Variants in GSR observed in about 807,000 individuals in gnomAD.
The protein encoded by GSR is glutathione-disulfide reductase, also known as glutathione reductase, mitochondrial.
A neutral mutation model predicts 56.5 loss-of-function variants in GSR; 48 were observed. The ratio of observed to expected loss-of-function variants is 0.85; its 90% CI spans 0.67 to 1.08. The LOEUF (loss-of-function observed/expected upper bound fraction) is 1.08. Ranked by LOEUF, GSR falls within the 50% of genes least tolerant of loss-of-function variation. The probability of loss-of-function intolerance (pLI) is 0.00; values close to 1 mark genes in which losing one functional copy is unlikely to be tolerated. For missense variants in GSR, 694 were observed against 703.3 expected, an observed-to-expected ratio of 0.99 and a Z score of 0.15; for synonymous variants, 264 against 270.8, an observed-to-expected ratio of 0.97 and a Z score of 0.25.
rs201877508 is a variant in GSR, at chr8:30,703,055, C to T, written c.640+38G>A. On this transcript the variant is annotated intron_variant, in intron 5 of 12. Coordinates refer to ENST00000221130, the MANE Select transcript of GSR (RefSeq NM_000637.5). ...TTCAGGTTGAAAGCAACAGTAAACT[C>T]CTGACTGCTGTTAATGAGTACCTGT... 1.9e-6 allele frequency: 3 copies of T among 1,606,234 alleles called. No individual in the cohort carries two copies. The East Asian group carries it at 6.7e-5, about 36-fold the overall frequency.
chr8:30,716,953 G>A (rs528045956), intron 1 of GSR, among the ~76,000 whole-genome samples: 2 of 151,584 alleles, frequency 1.3e-5, no homozygotes, highest in African/African-American at 4.8e-5. Context: ...AATTAGAGAC[G>A]GAGGCTGGGC....
chr8:30,704,956 T>C (rs1248417594), intron 4 of GSR: 1 of 152,164 alleles, frequency 6.6e-6, no homozygotes, highest in Non-Finnish European at 1.5e-5. Context: ...GTTTCCAGGA[T>C]ATTAGATAGA....
At chr8:30,710,849 T>C (rs1454985816) in intron 2 of GSR, among the ~76,000 whole-genome samples, 2 of 149,262 alleles carry the variant, frequency 1.3e-5, no homozygotes, top group Non-Finnish European at 3.0e-5. Flanking sequence ...CATTACAAAA[T>C]CAGTTTACTG....
chr8:30,725,557 A>G (rs959932286), intron 1 of GSR, among the ~76,000 whole-genome samples: 1 of 139,376 alleles, frequency 7.2e-6, no homozygotes, highest in African/African-American at 2.7e-5. Flanking sequence ...AAGACTCCAT[A>G]TCGAAAAAAA....
Position 30,706,653 on chromosome 8 carries a change from T to C in GSR, c.492+1419A>G, listed in dbSNP as rs575348539. On this transcript the variant is annotated intron_variant, in intron 4 of 12. Coordinates refer to ENST00000221130, the MANE Select transcript of GSR (RefSeq NM_000637.5). The stretch of plus-strand genomic sequence containing the variant: ...GCACAGGTTGTCAATGTCACCTACA[T>C]GGTCCTGGTGGGAAAGGTGTGACAT... Among the ~76,000 whole-genome samples the C allele has an allele frequency of 2.0e-5, 3 of 152,152 alleles. No homozygotes were observed. The South Asian group carries it at 6.2e-4, about 32-fold the overall frequency.
chr8:30,716,218 A>C (rs1336734379), intron 1 of GSR, among the ~76,000 whole-genome samples: 1 of 152,226 alleles, frequency 6.6e-6, no homozygotes, highest in Non-Finnish European at 1.5e-5. Flanking sequence ...ATACTGACTC[A>C]AGGGGCAGCA....
At chr8:30,683,241 C>G (rs756737002) in intron 10 of GSR, among the ~76,000 whole-genome samples, 1 of 152,194 alleles carries the variant, frequency 6.6e-6, no homozygotes, top group Non-Finnish European at 1.5e-5. Context: ...GGAGCCACCA[C>G]ACCTAGCCAA....
intron 8 of GSR, among the ~76,000 whole-genome samples, chr8:30,691,040 A>C (rs1403202602): frequency 6.6e-6 from 1 of 152,096 alleles, no homozygotes; most frequent in Non-Finnish European, 1.5e-5. Context: ...CAACACAGCA[A>C]GACCTTGTGT....
chr8:30,690,558 A>T (rs1803346630), intron 8 of GSR, among the ~76,000 whole-genome samples: 1 of 152,104 alleles, frequency 6.6e-6, no homozygotes, highest in Non-Finnish European at 1.5e-5. Flanking sequence ...GGTGGTTATG[A>T]TGGTAGCCTC....
chr8:30,695,248 TG>T (rs1803507611), intron 7 of GSR, among the ~76,000 whole-genome samples: 1 of 152,120 alleles, frequency 6.6e-6, no homozygotes. Context: ...TTTTGTTTTT[TG>T]TTTTGAGACA....
At chr8:30,715,323 C>G (rs904897584) in intron 1 of GSR, among the ~76,000 whole-genome samples, 7 of 151,798 alleles carry the variant, frequency 4.6e-5, no homozygotes, top group African/African-American at 1.7e-4. Context: ...AAACGTATGG[C>G]TTTCTATCTA....
At chr8:30,720,477 A>G (rs185887626) in intron 1 of GSR, among the ~76,000 whole-genome samples, 171 of 152,324 alleles carry the variant, frequency 1.1e-3, no homozygotes, top group African/African-American at 4.0e-3. Flanking sequence ...CTGATGACTT[A>G]AACAGATAAA....
intron 6 of GSR, among the ~76,000 whole-genome samples, chr8:30,699,647 T>C (rs1441679864): frequency 6.6e-6 from 1 of 151,580 alleles, no homozygotes; most frequent in Non-Finnish European, 1.5e-5. Flanking sequence ...TTTCACCATG[T>C]TGGCCAGGCT....
intron 12 of GSR, among the ~76,000 whole-genome samples, chr8:30,679,983 G>C (rs1288407933): frequency 1.3e-5 from 2 of 152,012 alleles, no homozygotes; most frequent in Non-Finnish European, 2.9e-5. Context: ...GGGATTACAG[G>C]GGTGAGCCAC....
In GSR at chr8:30,703,214, A is replaced by G. The variant is rs1345327439; in HGVS notation, c.519T>C (p.His173=). ...GCTTGGGATCACTCGTGAAGGCTGC[A>G]TGGCCACGGATGATTTCTATATGGG... ...TKSHIEIIRG[H]AAFTSDPKPT... is the part of the protein sequence containing the mutation. The change falls in exon 5 of 13, where the codon CAT becomes CAC. Residue 173 remains histidine, a synonymous_variant. Transcript: ENST00000221130. The G allele has an allele frequency of 6.2e-7, 1 of 1,614,004 alleles. No individual in the cohort carries two copies. Among genetic ancestry groups the G allele is most frequent in the African/African-American group, 1.3e-5 (1 of 74,922 alleles).
chr8:30,717,652 T>C (rs1361802837), intron 1 of GSR, among the ~76,000 whole-genome samples: 1 of 152,176 alleles, frequency 6.6e-6, no homozygotes, highest in Non-Finnish European at 1.5e-5. Flanking sequence ...ATCTAATTGC[T>C]GATGATCTGT....
chr8:30,687,929 G>C (rs1035838849), intron 9 of GSR, among the ~76,000 whole-genome samples: 1 of 152,158 alleles, frequency 6.6e-6, no homozygotes, highest in Non-Finnish European at 1.5e-5. Flanking sequence ...ACTTGAAGCA[G>C]AGAAATTAAG....
chr8:30,681,310 G>A (rs941948248), intron 11 of GSR, among the ~76,000 whole-genome samples: 7 of 152,240 alleles, frequency 4.6e-5, no homozygotes, highest in East Asian at 1.9e-4. Context: ...CAGGTGGATC[G>A]CTTGAGCCCA....
Position 30,679,636 on chromosome 8 carries a change from C to G in GSR, c.1453G>C (p.Asp485His). The G allele has an allele frequency of 1.2e-6, 2 of 1,613,862 alleles. No individual in the cohort carries two copies. The highest frequency in any genetic ancestry group is 1.7e-6 in the Non-Finnish European group (2 of 1,179,884). ...VGIHMQGLGC[D>H]EMLQGFAVAV... ...ACAGCAAAACCCTGCAGCATTTCAT[C>G]ACACCCAAGTCCCTGCATATGGATC... is the stretch of plus-strand genomic sequence containing the variant. Residue 485 changes from aspartate to histidine, a missense_variant, in exon 13 of 13, where the codon GAT (aspartate) becomes CAT (histidine). Asp to His is a moderately conservative substitution (Grantham distance 81, BLOSUM62 -1). Coordinates refer to ENST00000221130, the MANE Select transcript of GSR (RefSeq NM_000637.5).
Sources: allele counts gnomAD v4.1 joint callset (sites outside exome capture counted in the v4.1 genomes callset), GRCh38; gene constraint gnomAD v4.1.1; transcripts MANE v1.5; gene names NCBI Gene and HGNC (gene_info 2026-07-23, HGNC 2026-07-21).